The following CDK11B variants were observed in gnomAD, a reference collection of about 807,000 sequenced individuals.
CDK11B encodes the protein cyclin dependent kinase 11B.
CDK11B carries 37 observed loss-of-function variants against 84.0 expected under a neutral mutation model. The ratio of observed to expected loss-of-function variants is 0.44; its 90% CI spans 0.34 to 0.58. The LOEUF (loss-of-function observed/expected upper bound fraction) is 0.58, where lower values mean the gene tolerates loss of function less well. Ranked by LOEUF, CDK11B falls within the 20% of genes least tolerant of loss-of-function variation. CDK11B has a pLI of 0.02. For missense variants in CDK11B, 427 were observed against 834.0 expected, an observed-to-expected ratio of 0.51 and a Z score of 6.01; for synonymous variants, 269 against 309.8, an observed-to-expected ratio of 0.87 and a Z score of 1.38.
In CDK11B at chr1:1,652,449, T is replaced by C; in HGVS notation, c.345A>G (p.Ser115=). 1 of 1,505,732 alleles carries C rather than the reference T, an allele frequency of 6.6e-7. No individual in the cohort carries two copies. Among genetic ancestry groups the C allele is most frequent in the Non-Finnish European group, 8.8e-7 (1 of 1,137,476 alleles). The allele number at this position is 1,505,732 out of a possible 1,614,324, so 93.3% of individuals were successfully genotyped here. A position where few individuals can be genotyped will look rare whatever the true frequency, so the allele number is the denominator to read the frequency against. ...RKEKRRHRSH[S]AEGGKHARVK... ...TAAATGCTTCTGTACCCCCTTCTGC[T>C]GAATGGCTACGATGCCTACGTTTCT... is the stretch of plus-strand genomic sequence containing the variant. The change falls in exon 4 of 20, where the codon TCA becomes TCG. Residue 115 remains serine, a synonymous_variant. Transcript: ENST00000341832.
Position 1,636,731 on chromosome 1 carries a change from G to C in CDK11B, c.1868C>G (p.Pro623Arg), listed in dbSNP as rs1639364515. ...CIFGELLTQKPLFPGKSEIDQ... is the reference protein window; with the variant it reads ...CIFGELLTQKRLFPGKSEIDQ... ...GATTTCTGACTTCCCGGGGAACAGA[G>C]GCTTCTGAGTCAGCAGCTCCCCGAA... Residue 623 changes from proline to arginine, a missense_variant, in exon 17 of 20, where the codon CCT becomes CGT. Pro to Arg is a moderately radical substitution (Grantham distance 103). Coordinates refer to ENST00000341832, the MANE Select transcript of CDK11B (RefSeq NM_033486.3). The C allele has an allele frequency of 6.2e-7, 1 of 1,613,986 alleles. No homozygotes were observed. The highest frequency in any genetic ancestry group is 8.5e-7 in the Non-Finnish European group (1 of 1,179,868).
chr1:1,655,617 G>C, intron 2 of CDK11B, 133 bp from the exon 3 acceptor site: 1 of 1,340,318 alleles, frequency 7.5e-7, no homozygotes, highest in Non-Finnish European at 9.8e-7. Flanking sequence ...GAATGAGCCA[G>C]TGTTATAAAA....
chr1:1,637,618 G>C, intron 13 of CDK11B, 105 bp from the exon 14 acceptor site: 2 of 1,608,678 alleles, frequency 1.2e-6, no homozygotes, highest in African/African-American at 2.7e-5. Context: ...GTGCCACCCG[G>C]GAGGCAAATG....
At chr1:1,636,234 G>C in intron 18 of CDK11B, 99 bp downstream of exon 18, 1 of 1,220,708 alleles carries the variant, frequency 8.2e-7, no homozygotes. Flanking sequence ...CCAGGCACCA[G>C]AGCAGTTCTG....
At chr1:1,647,687 G>A (rs538542093) in intron 5 of CDK11B, among the ~76,000 whole-genome samples, 2 of 152,338 alleles carry the variant, frequency 1.3e-5, no homozygotes, top group South Asian at 4.1e-4. Context: ...AGTGGGTGGC[G>A]GCTCGAGCTC....
At chr1:1,655,720 G>A (rs1369027347) in intron 2 of CDK11B, among the ~76,000 whole-genome samples, 2 of 151,888 alleles carry the variant, frequency 1.3e-5, no homozygotes, top group East Asian at 3.9e-4. Flanking sequence ...TCAGGAGCTC[G>A]AGACCACCCT....
At chr1:1,636,571 G>A (rs1406735298) in intron 17 of CDK11B, 90 bp from the exon 18 acceptor site, 27 of 1,571,142 alleles carry the variant, frequency 1.7e-5, no homozygotes, top group Non-Finnish European at 1.8e-5. Context: ...CACCAGGAGG[G>A]CTCTCAGTGG....
At chr1:1,641,415 G>A (rs1319033052) in intron 9 of CDK11B, among the ~76,000 whole-genome samples, 5 of 147,750 alleles carry the variant, frequency 3.4e-5, no homozygotes, top group East Asian at 2.0e-4. Context: ...AGGCTGAGGC[G>A]GGAGGATCAC....
chr1:1,654,067 ATC>A, intron 3 of CDK11B: 1 of 436,650 alleles, frequency 2.3e-6, no homozygotes. Flanking sequence ...ATTTAACAGT[ATC>A]TTCAGCTGAT....
At chr1:1,658,199 GC>G (rs1643047014) in intron 1 of CDK11B, among the ~76,000 whole-genome samples, 1 of 149,996 alleles carries the variant, frequency 6.7e-6, no homozygotes, top group East Asian at 2.0e-4. Flanking sequence ...TAAGTTGTAA[GC>G]CAGGCAAGGT....
intron 5 of CDK11B, among the ~76,000 whole-genome samples, chr1:1,648,096 T>C (rs1338181790): frequency 6.6e-6 from 1 of 152,276 alleles, no homozygotes; most frequent in African/African-American, 2.4e-5. Flanking sequence ...CGTCATGCGG[T>C]CCTCTGGCCT....
In CDK11B at chr1:1,641,149, C is replaced by A. The variant is rs1370508241; in HGVS notation, c.1010-36G>T. ...AAGGAGGCGTCTGCTCAGACCAGCA[C>A]CGGGGCGAGTGCTGCCACAGGCAGG... On this transcript the variant is annotated intron_variant, in intron 9 of 19. Transcript: ENST00000341832. The A allele has an allele frequency of 8.1e-6, 12 of 1,486,648 alleles. 1 individual carries two copies. Among genetic ancestry groups the A allele is most frequent in the Non-Finnish European group, 1.1e-5 (12 of 1,112,674 alleles). 92.1% of individuals were successfully genotyped at this position (1,486,648 alleles called of 1,614,324 possible). A position where few individuals can be genotyped will look rare whatever the true frequency, so the allele number is the denominator to read the frequency against.
chr1:1,637,828 C>A lies in CDK11B; in HGVS notation c.1398G>T (p.Pro466=). The A allele has an allele frequency of 6.2e-7, 1 of 1,613,422 alleles. No individual in the cohort carries two copies. Among genetic ancestry groups the A allele is most frequent in the Non-Finnish European group, 8.5e-7 (1 of 1,179,602 alleles). Residue 466 remains proline (P), a synonymous_variant, in exon 13 of 20, where the codon CCG becomes CCT. Transcript: ENST00000341832. ...LKMEKEKEGF[P]ITSLREINTI... is the part of the protein sequence containing the mutation. ...TGTTGATCTCCCTCAGCGACGTGATCGGGAAGCCCTCCTTCTCCTTCTCCA... is the reference window on the plus strand; with the variant it reads ...TGTTGATCTCCCTCAGCGACGTGATAGGGAAGCCCTCCTTCTCCTTCTCCA...
At chr1:1,652,146 G>C (rs1642102280) in intron 4 of CDK11B, among the ~76,000 whole-genome samples, 1 of 151,078 alleles carries the variant, frequency 6.6e-6, no homozygotes, top group Non-Finnish European at 1.5e-5. Flanking sequence ...TGAATGGTCT[G>C]TGACACACGC....
At chr1:1,654,075 C>T (rs1308687777) in intron 3 of CDK11B, 3 of 438,438 alleles carry the variant, frequency 6.8e-6, no homozygotes, top group East Asian at 1.4e-4. Flanking sequence ...GTATCTTCAG[C>T]TGATTTCTGT....
chr1:1,656,661 G>A (rs1438080367), intron 2 of CDK11B, among the ~76,000 whole-genome samples: 1 of 152,046 alleles, frequency 6.6e-6, no homozygotes, highest in Non-Finnish European at 1.5e-5. Flanking sequence ...ATGTTGGTGG[G>A]CCCCTGTAGT....
Position 1,636,924 on chromosome 1 carries a change from G to C in CDK11B, c.1773C>G (p.Arg591=), listed in dbSNP as rs775161892. ...TGGCACCAAGCAGCAGCTCTGGGGC[G>C]CGGTACCACAGGGTCACCACGACCG... ...YTPVVVTLWY[R]APELLLGAKE... is the part of the protein sequence containing the mutation. The change falls in exon 16 of 20, where the codon CGC becomes CGG. Residue 591 remains arginine, a synonymous_variant. Coordinates refer to ENST00000341832, the MANE Select transcript of CDK11B (RefSeq NM_033486.3). 6.2e-6 allele frequency: 10 copies of C among 1,606,322 alleles called. No homozygotes were observed. Among genetic ancestry groups the C allele is most frequent in the Non-Finnish European group, 8.5e-6 (10 of 1,175,108 alleles).
chr1:1,651,926 T>C (rs1358995604), intron 4 of CDK11B, among the ~76,000 whole-genome samples: 50,974 of 150,276 alleles, frequency 0.34, 9,391 homozygotes, highest in African/African-American at 0.49. Context: ...CTCTGGTTTT[T>C]AGTCTGTGAC....
chr1:1,645,867 C>G (rs1641020932), intron 5 of CDK11B: 1 of 349,670 alleles, frequency 2.9e-6, no homozygotes. Flanking sequence ...GAGACAGGGT[C>G]TTGGTTTGTC....
Sources: gnomAD v4.1 joint callset for allele counts (sites outside exome capture counted in the v4.1 genomes callset) on GRCh38, gnomAD v4.1.1 for gene constraint, MANE v1.5 for transcripts, NCBI Gene and HGNC (gene_info 2026-07-23, HGNC 2026-07-21) for gene names.